RPRD1A: variants seen among roughly 807,000 people sequenced by gnomAD.
RPRD1A encodes regulation of nuclear pre-mRNA domain containing 1A.
RPRD1A carries 9 observed loss-of-function variants against 37.8 expected under a neutral mutation model. That is an observed-to-expected ratio of 0.24 (90% CI 0.14 to 0.42). The LOEUF (loss-of-function observed/expected upper bound fraction) is 0.42, where lower values mean the gene tolerates loss of function less well. Ranked by LOEUF, RPRD1A falls within the 10% of genes least tolerant of loss-of-function variation. RPRD1A has a pLI of 1.00. For missense variants in RPRD1A, 255 were observed against 371.0 expected (o/e 0.69, Z 2.57); for synonymous variants, 138 against 139.7 (o/e 0.99, Z 0.08).
At chr18:36,032,615 T>C (rs1911876239) in intron 2 of RPRD1A, among the ~76,000 whole-genome samples, 1 of 152,234 alleles carries the variant, frequency 6.6e-6, no homozygotes, top group Non-Finnish European at 1.5e-5. Flanking sequence ...ATTAAAATTA[T>C]ACTGAAAATA....
intron 6 of RPRD1A, among the ~76,000 whole-genome samples, chr18:35,994,625 A>G (rs1183521550): frequency 2.0e-5 from 3 of 152,150 alleles, no homozygotes; most frequent in African/African-American, 7.2e-5. Context: ...TTTAAGCATG[A>G]TAACTGTGAG....
At chr18:36,062,323 C>CAAAAAAAAA (rs752980996) in intron 1 of RPRD1A, among the ~76,000 whole-genome samples, 27 of 40,614 alleles carry the variant, frequency 6.6e-4, no homozygotes, top group African/African-American at 2.5e-3. Context: ...GACTCCGTCT[C>CAAAAAAAAA]AAAAAAAAAA....
chr18:35,996,376 T>C (rs1909057615), intron 6 of RPRD1A, among the ~76,000 whole-genome samples: 1 of 152,216 alleles, frequency 6.6e-6, no homozygotes. Context: ...CAGGCATCAT[T>C]ATTCCCGTTC....
chr18:36,025,434 T>G (rs1598625446), intron 6 of RPRD1A: 2 of 322,502 alleles, frequency 6.2e-6, no homozygotes, highest in Non-Finnish European at 1.2e-5. Flanking sequence ...GAAAAGGGGG[T>G]TGTGGGGAGT....
intron 6 of RPRD1A, among the ~76,000 whole-genome samples, chr18:35,996,680 C>G (rs760105708): frequency 4.6e-5 from 7 of 152,036 alleles, no homozygotes; most frequent in Non-Finnish European, 8.8e-5. Context: ...TGTGATGCAA[C>G]TTGGTTAAAA....
intron 1 of RPRD1A, among the ~76,000 whole-genome samples, chr18:36,065,928 C>A (rs1418507574): frequency 6.6e-6 from 1 of 151,922 alleles, no homozygotes; most frequent in Non-Finnish European, 1.5e-5. Flanking sequence ...GGGTATCAAC[C>A]CTATACTGAT....
At chr18:36,021,040 T>C (rs974440710) in intron 6 of RPRD1A, among the ~76,000 whole-genome samples, 3 of 152,214 alleles carry the variant, frequency 2.0e-5, no homozygotes, top group South Asian at 2.1e-4. Context: ...GATTACACGA[T>C]TCCTGAAAAA....
At chr18:36,052,168 A>AC (rs894334600) in intron 1 of RPRD1A, among the ~76,000 whole-genome samples, 3 of 151,440 alleles carry the variant, frequency 2.0e-5, no homozygotes, top group Non-Finnish European at 4.4e-5. Context: ...GAAAAAAAAA[A>AC]AAACTGTCAA....
At chr18:36,044,194 G>A (rs984011207) in intron 1 of RPRD1A, among the ~76,000 whole-genome samples, 1 of 152,028 alleles carries the variant, frequency 6.6e-6, no homozygotes, top group East Asian at 1.9e-4. Flanking sequence ...GAGTGTCAAA[G>A]GCAGAAGGGG....
At chr18:35,995,366 T>C (rs1260671693) in intron 6 of RPRD1A, among the ~76,000 whole-genome samples, 1 of 149,728 alleles carries the variant, frequency 6.7e-6, no homozygotes, top group African/African-American at 2.5e-5. Context: ...TGGGTTCAAG[T>C]GATTCTCCTG....
chr18:36,009,728 C>G (rs1910053503), intron 6 of RPRD1A, among the ~76,000 whole-genome samples: 1 of 152,192 alleles, frequency 6.6e-6, no homozygotes, highest in African/African-American at 2.4e-5. Context: ...TGTTCTTTAT[C>G]TGCATTACCC....
chr18:36,019,385 G>A (rs937878236), intron 6 of RPRD1A, among the ~76,000 whole-genome samples: 1 of 152,046 alleles, frequency 6.6e-6, no homozygotes, highest in Non-Finnish European at 1.5e-5. Flanking sequence ...GGGATTACAG[G>A]CATGAGCCAC....
chr18:36,060,375 A>G (rs1252018031), intron 1 of RPRD1A, among the ~76,000 whole-genome samples: 1 of 152,108 alleles, frequency 6.6e-6, no homozygotes, highest in Non-Finnish European at 1.5e-5. Context: ...TGGAGGTTGC[A>G]GTGAACCGAG....
chr18:36,003,396 T>C (rs1453417942), intron 6 of RPRD1A, among the ~76,000 whole-genome samples: 2 of 152,234 alleles, frequency 1.3e-5, no homozygotes, highest in South Asian at 4.1e-4. Flanking sequence ...ACAATACTGA[T>C]GCAATTAACT....
chr18:35,997,006 AC>A (rs1909114043), intron 6 of RPRD1A, among the ~76,000 whole-genome samples: 1 of 148,562 alleles, frequency 6.7e-6, no homozygotes, highest in African/African-American at 2.6e-5. Flanking sequence ...AAAAAAAAGA[AC>A]TATCTGTAAT....
chr18:36,006,563 A>C (rs931997552), intron 6 of RPRD1A, among the ~76,000 whole-genome samples: 1 of 152,178 alleles, frequency 6.6e-6, no homozygotes, highest in Non-Finnish European at 1.5e-5. Context: ...GAAATGTTTT[A>C]TGTAGTACTG....
At chr18:36,024,157 G>A (rs768386887) in intron 6 of RPRD1A, among the ~76,000 whole-genome samples, 9 of 151,586 alleles carry the variant, frequency 5.9e-5, no homozygotes, top group Non-Finnish European at 7.4e-5. Context: ...GTGTGCACGC[G>A]CACGCGCGTG....
chr18:35,999,769 A>G (rs1598594649), intron 6 of RPRD1A, among the ~76,000 whole-genome samples: 1 of 152,188 alleles, frequency 6.6e-6, no homozygotes, highest in South Asian at 2.1e-4. Flanking sequence ...CCATTTCTTG[A>G]TAAAAACAGC....
rs1042929551 is a variant in RPRD1A, at chr18:36,015,153, CACACATATAT to C, written c.789+11737_789+11746del. 6.5e-5 allele frequency among the ~76,000 whole-genome samples: 7 copies of C among 108,222 alleles called. No homozygotes were observed. In the East Asian group the frequency reaches 1.1e-3, roughly 17 times the overall value. 71.0% of individuals were successfully genotyped at this position (108,222 alleles called of 152,430 possible). ...ACATACACACACACACACACACACA[CACACATATAT>C]ACACATATATACACACACACACACA... On this transcript the variant is annotated intron_variant, in intron 6 of 6. Transcript: ENST00000399022.
Sources: allele counts gnomAD v4.1 joint callset (sites outside exome capture counted in the v4.1 genomes callset), GRCh38; gene constraint gnomAD v4.1.1; transcripts MANE v1.5; gene names NCBI Gene and HGNC (gene_info 2026-07-23, HGNC 2026-07-21).